Variants in SLC23A2 observed in about 807,000 individuals in gnomAD.
SLC23A2 encodes the protein Na(+)/L-ascorbic acid transporter 2.
In SLC23A2, 36 loss-of-function variants were observed where a neutral mutation model predicts 73.3. The ratio of observed to expected loss-of-function variants is 0.49; its 90% CI spans 0.38 to 0.65. The LOEUF (loss-of-function observed/expected upper bound fraction) is 0.65, where lower values mean the gene tolerates loss of function less well. Among genes scored for constraint, SLC23A2 ranks in the 30% least tolerant of loss-of-function variants. SLC23A2 has a pLI of 0.00. For synonymous variants in SLC23A2, 343 were observed against 327.3 expected (o/e 1.05, Z -0.52); for missense variants, 507 against 841.6 (o/e 0.60, Z 4.92).
At chr20:5,007,307 G>T (rs2122405842) in intron 1 of SLC23A2, among the ~76,000 whole-genome samples, 1 of 152,256 alleles carries the variant, frequency 6.6e-6, no homozygotes, top group Admixed American at 6.5e-5. Flanking sequence ...GACACAGGTG[G>T]ACCACTTGAG....
chr20:4,857,216 C>T lies in SLC23A2; in HGVS notation c.1721-12G>A, dbSNP rs1005972791. On this transcript the variant is annotated splice_polypyrimidine_tract_variant and intron_variant, in intron 16 of 16. Transcript: ENST00000338244. This position sits in a 1 kb window ranked among gnomAD's most constrained non-coding sequence, Gnocchi z 4.0. Reference sequence around the variant, plus strand: ...TTCCTCTGGAGTGCCTGTCACACATCCCAAGATAGAACAAAGGAATGCTTC... The same window carrying T: ...TTCCTCTGGAGTGCCTGTCACACATTCCAAGATAGAACAAAGGAATGCTTC... 2.0e-6 allele frequency: 3 copies of T among 1,522,600 alleles called. No individual in the cohort carries two copies. Among genetic ancestry groups the T allele is most frequent in the African/African-American group, 1.4e-5 (1 of 72,376 alleles). 94.3% of individuals were successfully genotyped at this position (1,522,600 alleles called of 1,614,324 possible). A position where few individuals can be genotyped will look rare whatever the true frequency, so the allele number is the denominator to read the frequency against.
upstream of SLC23A2, among the ~76,000 whole-genome samples, chr20:5,003,277 G>C (rs1334380284): frequency 6.6e-6 from 1 of 152,028 alleles, no homozygotes; most frequent in African/African-American, 2.4e-5. Context: ...CCAGCTACTC[G>C]GGAGGCTGAG....
rs2122221649 is a variant in SLC23A2, at chr20:4,970,817, C to T, written c.-179G>A. ...CCTAAGTGATGTGGCGTAGACCTGT[C>T]CATATGCTTTCCATTACAATTCGCT... On this transcript the variant is annotated 5_prime_UTR_variant, in exon 2 of 17. An upstream open reading frame in the 5' UTR gains an earlier in-frame stop. Coordinates refer to ENST00000338244, the MANE Select transcript of SLC23A2 (RefSeq NM_005116.6). The T allele has an allele frequency of 6.6e-6, 1 of 152,330 alleles. No homozygotes were observed. The highest frequency in any genetic ancestry group is 1.9e-4 in the East Asian group (1 of 5,184). The allele number at this position is 152,330 out of a possible 1,614,324, so 9.4% of individuals were successfully genotyped here.
At chr20:5,008,058 C>T (rs537275180) in intron 1 of SLC23A2, among the ~76,000 whole-genome samples, 4 of 152,030 alleles carry the variant, frequency 2.6e-5, no homozygotes, top group South Asian at 2.1e-4. Flanking sequence ...TACAGGCATG[C>T]GCCACCACAC....
chr20:4,996,685 C>CAAAAAAA (rs1555809857), intron 1 of SLC23A2, among the ~76,000 whole-genome samples: 45 of 54,718 alleles, frequency 8.2e-4, no homozygotes, highest in African/African-American at 1.8e-3. Context: ...GATTCCATCT[C>CAAAAAAA]AAAAAAAAAA....
At chr20:4,935,834 T>C (rs910596695) in intron 2 of SLC23A2, among the ~76,000 whole-genome samples, 4 of 151,974 alleles carry the variant, frequency 2.6e-5, no homozygotes, top group African/African-American at 9.7e-5. Flanking sequence ...AAAAAATATA[T>C]ATCTATATCT....
intron 3 of SLC23A2, among the ~76,000 whole-genome samples, chr20:4,916,295 A>C (rs1433971614): frequency 6.6e-6 from 1 of 152,170 alleles, no homozygotes; most frequent in Non-Finnish European, 1.5e-5. Context: ...AACTCTCCTA[A>C]AACACGGATC....
In SLC23A2 at chr20:4,883,555, T is replaced by G. The variant is rs1008834142; in HGVS notation, c.824+87A>C. 1.1e-6 allele frequency: 1 copy of G among 951,948 alleles called. No individual in the cohort carries two copies. The highest frequency in any genetic ancestry group is 1.7e-5 in the African/African-American group (1 of 59,502). 59.0% of individuals were successfully genotyped at this position (951,948 alleles called of 1,614,324 possible). ...TGAAACTGTCAGACCATTCTTATTA[T>G]TGAAAAACATTATCTCCTGAAGTCT... On this transcript the variant is annotated intron_variant, in intron 9 of 16. Transcript: ENST00000338244. The surrounding 1 kb of genome is among the most constrained non-coding windows in gnomAD (Gnocchi z 4.5).
intron 4 of SLC23A2, among the ~76,000 whole-genome samples, chr20:4,909,746 G>C (rs1251882218): frequency 6.6e-6 from 1 of 151,932 alleles, no homozygotes; most frequent in Admixed American, 6.6e-5. Context: ...TAGTAGAGAC[G>C]GGGTTTCACC....
chr20:4,859,243 T>TAA (rs781271986), intron 16 of SLC23A2, 46 bp downstream of exon 16: 31,671 of 1,059,516 alleles, frequency 0.03, 587 homozygotes, highest in African/African-American at 0.066. Context: ...AACACATATG[T>TAA]TAAAAAATAA....
intron 6 of SLC23A2, among the ~76,000 whole-genome samples, chr20:4,893,234 T>G (rs1931397390): frequency 6.6e-6 from 1 of 152,068 alleles, no homozygotes; most frequent in East Asian, 1.9e-4. Flanking sequence ...CAGCTAATTA[T>G]TTTTATTATT....
chr20:4,950,604 C>T lies in SLC23A2; in HGVS notation c.-154-17888G>A, dbSNP rs73893868. On this transcript the variant is annotated intron_variant, in intron 2 of 16. Transcript: ENST00000338244. ...AGTCACACCTGTGGCCAGACTTTGC[C>T]CTTCCCAGTCCTGACTCCAAGCCAG... 5.8e-3 allele frequency among the ~76,000 whole-genome samples: 890 copies of T among 152,246 alleles called. 7 individuals are homozygous for T. The highest frequency in any genetic ancestry group is 0.02 in the African/African-American group (819 of 41,546).
chr20:4,912,998 A>G lies in SLC23A2; in HGVS notation c.109-20T>C. 3.9e-6 allele frequency: 6 copies of G among 1,543,104 alleles called. No individual in the cohort carries two copies. The highest frequency in any genetic ancestry group is 4.5e-6 in the Non-Finnish European group (5 of 1,117,156). On this transcript the variant is annotated intron_variant, in intron 3 of 16. Coordinates refer to ENST00000338244, the MANE Select transcript of SLC23A2 (RefSeq NM_005116.6). ...CACCACCTGCAGAGACAATCCACTTAGAGGCTGTTTCAGCGTGAACCACAT... is the reference window on the plus strand; with the variant it reads ...CACCACCTGCAGAGACAATCCACTTGGAGGCTGTTTCAGCGTGAACCACAT...
chr20:4,946,195 T>C (rs578128580), intron 2 of SLC23A2, among the ~76,000 whole-genome samples: 1 of 152,248 alleles, frequency 6.6e-6, no homozygotes, highest in East Asian at 1.9e-4. Flanking sequence ...AGAGGGAACA[T>C]AGGTACCACT....
At chr20:5,005,016 T>TAAATAA, upstream of SLC23A2, among the ~76,000 whole-genome samples, 1 of 149,730 alleles carries the variant, frequency 6.7e-6, no homozygotes, top group Admixed American at 6.7e-5. Context: ...AATAAATAAA[T>TAAATAA]AAATAAATAA....
intron 1 of SLC23A2, among the ~76,000 whole-genome samples, chr20:4,985,132 T>A (rs2087803054): frequency 1.1e-5 from 1 of 92,338 alleles, no homozygotes; most frequent in African/African-American, 4.7e-5. Flanking sequence ...CAAGACTCCG[T>A]CTCCAAAAAA....
At chr20:4,875,968 G>C (rs1930638607) in intron 9 of SLC23A2, among the ~76,000 whole-genome samples, 1 of 152,168 alleles carries the variant, frequency 6.6e-6, no homozygotes, top group Non-Finnish European at 1.5e-5. Context: ...AGCCCGGCTG[G>C]AGAACATGCG....
At chr20:4,939,385 C>A (rs994292324) in intron 2 of SLC23A2, among the ~76,000 whole-genome samples, 1 of 152,116 alleles carries the variant, frequency 6.6e-6, no homozygotes, top group African/African-American at 2.4e-5. Context: ...TCAACGTCAC[C>A]ACCATCAATG....
chr20:4,866,948 G>A (rs1930224090), intron 13 of SLC23A2, among the ~76,000 whole-genome samples: 1 of 151,264 alleles, frequency 6.6e-6, no homozygotes, highest in Admixed American at 6.6e-5. Flanking sequence ...GGCCAATGGT[G>A]GGTCATCTCT....
Sources: allele counts gnomAD v4.1 joint callset (sites outside exome capture counted in the v4.1 genomes callset), GRCh38; gene constraint gnomAD v4.1.1; non-coding constraint Gnocchi (gnomAD v3.1); transcripts MANE v1.5; gene names NCBI Gene and HGNC (gene_info 2026-07-23, HGNC 2026-07-21).